NKAIN2: variants seen among roughly 807,000 people sequenced by gnomAD.
NKAIN2 encodes the protein sodium/potassium transporting ATPase interacting 2.
NKAIN2 carries 14 observed loss-of-function variants against 32.6 expected under a neutral mutation model. That is an observed-to-expected ratio of 0.43 (90% CI 0.28 to 0.67). The LOEUF is 0.67. Ranked by LOEUF, NKAIN2 falls within the 30% of genes least tolerant of loss-of-function variation. The probability of loss-of-function intolerance (pLI) is 0.17; values close to 1 mark genes in which losing one functional copy is unlikely to be tolerated. For synonymous variants in NKAIN2, 80 were observed against 87.2 expected (o/e 0.92, Z 0.46); for missense variants, 198 against 258.3 (o/e 0.77, Z 1.60).
At chr6:124,169,747 A>G (rs139793088) in intron 1 of NKAIN2, among the ~76,000 whole-genome samples, 1 of 152,052 alleles carries the variant, frequency 6.6e-6, no homozygotes, top group Non-Finnish European at 1.5e-5. Flanking sequence ...TAGGATGGAA[A>G]TCTTCTTAGG....
chr6:124,790,263 G>A (rs9401773), intron 4 of NKAIN2, among the ~76,000 whole-genome samples: 74,278 of 151,790 alleles, frequency 0.49, 18,293 homozygotes, highest in East Asian at 0.61. Flanking sequence ...GACTTAAAAT[G>A]TTCCACTCAC....
chr6:124,225,138 AAAT>A (rs2114710890), intron 1 of NKAIN2, among the ~76,000 whole-genome samples: 1 of 152,200 alleles, frequency 6.6e-6, no homozygotes, highest in East Asian at 1.9e-4. Flanking sequence ...AATAAAGATG[AAAT>A]AATAAGATAT....
chr6:123,810,548 T>C (rs531450), intron 1 of NKAIN2, among the ~76,000 whole-genome samples: 119,384 of 152,116 alleles, frequency 0.78, 47,497 homozygotes, highest in Non-Finnish European at 0.84. Context: ...GCTGTTCTCA[T>C]GCATTTGGGC....
At chr6:124,101,756 G>T (rs572165907) in intron 1 of NKAIN2, among the ~76,000 whole-genome samples, 1 of 152,150 alleles carries the variant, frequency 6.6e-6, no homozygotes, top group Non-Finnish European at 1.5e-5. Flanking sequence ...TGCCACGCTG[G>T]GCTCATGAAC....
chr6:123,992,901 T>C lies in NKAIN2; in HGVS notation c.54+188647T>C, dbSNP rs138670594. Among the ~76,000 whole-genome samples the C allele has an allele frequency of 8.5e-5, 13 of 152,306 alleles. No individual in the cohort carries two copies. In the East Asian group the frequency reaches 2.5e-3, roughly 29 times the overall value. On this transcript the variant is annotated intron_variant, in intron 1 of 6. Transcript: ENST00000368417. ...ACCTGCCTCTAAAAATAGCTATATG[T>C]CAAAACTACTAAAGGCCCATAAACT...
intron 3 of NKAIN2, among the ~76,000 whole-genome samples, chr6:124,429,820 C>A (rs1011627200): frequency 2.0e-5 from 3 of 152,124 alleles, no homozygotes; most frequent in East Asian, 3.9e-4. Flanking sequence ...CTTTTCACGT[C>A]CCTGGGCCTA....
At chr6:124,700,183 TC>T (rs1487011079) in intron 4 of NKAIN2, among the ~76,000 whole-genome samples, 3 of 152,176 alleles carry the variant, frequency 2.0e-5, no homozygotes, top group Non-Finnish European at 4.4e-5. Flanking sequence ...TAATTATTGT[TC>T]TACACATGAA....
In NKAIN2 at chr6:124,594,340, G is replaced by A. The variant is rs1302351500; in HGVS notation, c.274-63846G>A. On this transcript the variant is annotated intron_variant, in intron 3 of 6. Coordinates refer to ENST00000368417, the MANE Select transcript of NKAIN2 (RefSeq NM_001040214.3). Reference sequence around the variant, plus strand: ...TAGGAAAGAGGCAGAGACAGAGAGGGGAGCCTAGGAATGATGAAACTTGGT... The same window carrying A: ...TAGGAAAGAGGCAGAGACAGAGAGGAGAGCCTAGGAATGATGAAACTTGGT... Among the ~76,000 whole-genome samples the A allele has an allele frequency of 2.6e-5, 4 of 152,170 alleles. No homozygotes were observed. The East Asian group carries it at 7.7e-4, about 29-fold the overall frequency.
intron 2 of NKAIN2, among the ~76,000 whole-genome samples, chr6:124,295,503 A>G (rs1456379401): frequency 1.3e-5 from 2 of 152,096 alleles, no homozygotes. Context: ...ATTATTGCTT[A>G]TTTATATCAT....
At chr6:123,835,657 A>G (rs1582620344) in intron 1 of NKAIN2, among the ~76,000 whole-genome samples, 1 of 152,170 alleles carries the variant, frequency 6.6e-6, no homozygotes, top group East Asian at 1.9e-4. Flanking sequence ...TTATGATCTT[A>G]TAGCTGTTTT....
intron 3 of NKAIN2, among the ~76,000 whole-genome samples, chr6:124,382,022 T>A (rs1772666378): frequency 6.6e-6 from 1 of 152,128 alleles, no homozygotes; most frequent in Non-Finnish European, 1.5e-5. Flanking sequence ...AATGGTGTAT[T>A]TGTATTTAGA....
intron 3 of NKAIN2, among the ~76,000 whole-genome samples, chr6:124,398,145 C>G (rs916953534): frequency 6.8e-6 from 1 of 147,184 alleles, no homozygotes; most frequent in South Asian, 2.2e-4. Flanking sequence ...CCCAGCTACT[C>G]GGGAGGCTGA....
intron 1 of NKAIN2, among the ~76,000 whole-genome samples, chr6:123,940,126 A>T (rs1485139599): frequency 1.3e-5 from 2 of 151,894 alleles, no homozygotes; most frequent in African/African-American, 4.8e-5. Flanking sequence ...AGGATGTGGA[A>T]CACTGTTGGC....
chr6:124,022,754 TTAA>T (rs772590136), intron 1 of NKAIN2, among the ~76,000 whole-genome samples: 4 of 152,176 alleles, frequency 2.6e-5, no homozygotes, highest in African/African-American at 4.8e-5. Flanking sequence ...AATAGCTAAG[TTAA>T]TAAGATCCAA....
intron 1 of NKAIN2, among the ~76,000 whole-genome samples, chr6:123,913,660 T>G (rs1297308380): frequency 7.2e-5 from 11 of 152,178 alleles, no homozygotes. Context: ...AAGAGGTAGC[T>G]TCTTCTTTCT....
At chr6:124,034,165 G>A (rs752678814) in intron 1 of NKAIN2, among the ~76,000 whole-genome samples, 31 of 151,828 alleles carry the variant, frequency 2.0e-4, no homozygotes, top group South Asian at 4.2e-4. Context: ...GGGTACATGC[G>A]CAGGTTTGTT....
chr6:124,071,119 G>A (rs1783443600), intron 1 of NKAIN2, among the ~76,000 whole-genome samples: 1 of 152,040 alleles, frequency 6.6e-6, no homozygotes, highest in South Asian at 2.1e-4. Flanking sequence ...CGGAAGAAAG[G>A]CAACAATGGA....
chr6:124,530,764 T>C (rs1201121525), intron 3 of NKAIN2, among the ~76,000 whole-genome samples: 1 of 152,132 alleles, frequency 6.6e-6, no homozygotes, highest in Non-Finnish European at 1.5e-5. Flanking sequence ...AGTCTGAGAA[T>C]AGGGATTGGT....
At chr6:124,187,032 C>A (rs1046434562) in intron 1 of NKAIN2, among the ~76,000 whole-genome samples, 1 of 152,134 alleles carries the variant, frequency 6.6e-6, no homozygotes, top group African/African-American at 2.4e-5. Flanking sequence ...CTTTTTAGAG[C>A]AGTCTGTGGG....
Sources: gnomAD v4.1 joint callset for allele counts (sites outside exome capture counted in the v4.1 genomes callset) on GRCh38, gnomAD v4.1.1 for gene constraint, MANE v1.5 for transcripts, NCBI Gene and HGNC (gene_info 2026-07-23, HGNC 2026-07-21) for gene names.